The following GPR161 variants were observed in gnomAD, a reference collection of about 807,000 sequenced individuals.
The protein encoded by GPR161 is G-protein coupled receptor RE2.
GPR161 carries 25 observed loss-of-function variants against 39.2 expected under a neutral mutation model. The ratio of observed to expected loss-of-function variants is 0.64; its 90% CI spans 0.47 to 0.89. The LOEUF (loss-of-function observed/expected upper bound fraction) is 0.89, where lower values mean the gene tolerates loss of function less well. GPR161 is among the 40% of genes least tolerant of loss of function. The pLI is 0.00. For synonymous variants in GPR161, 286 were observed against 276.6 expected, an observed-to-expected ratio of 1.03 and a Z score of -0.34; for missense variants, 547 against 677.8, an observed-to-expected ratio of 0.81 and a Z score of 2.14.
rs1184988639 is a variant in GPR161, at chr1:168,082,616, C to G, written c.*2915G>C. 1.3e-5 allele frequency: 2 copies of G among 152,228 alleles called. No individual in the cohort carries two copies. The highest frequency in any genetic ancestry group is 4.8e-5 in the African/African-American group (2 of 41,436). 9.4% of individuals were successfully genotyped at this position (152,228 alleles called of 1,614,324 possible). ...AAGGCGGAAATCTCAATGAAAGAGG[C>G]AGAGGTGGGCAGCAGTCCTAAATGT... is the stretch of plus-strand genomic sequence containing the variant. On this transcript the variant is annotated 3_prime_UTR_variant, in exon 6 of 6. Coordinates refer to ENST00000682931, the MANE Select transcript of GPR161 (RefSeq NM_001375883.1).
intron 3 of GPR161, among the ~76,000 whole-genome samples, chr1:168,092,157 G>A (rs1284363519): frequency 6.6e-6 from 1 of 152,330 alleles, no homozygotes; most frequent in South Asian, 2.1e-4. Flanking sequence ...AGGGAGCTGG[G>A]ACCAGAAAGG....
intron 4 of GPR161, chr1:168,090,349 A>G (rs1694932385): frequency 4.2e-6 from 2 of 481,098 alleles, no homozygotes; most frequent in Non-Finnish European, 7.4e-6. Flanking sequence ...ACAGGAACTG[A>G]CAGCCCCATT....
intron 4 of GPR161, 183 bp from the exon 5 acceptor site, chr1:168,087,887 T>C (rs1224934674): frequency 6.7e-5 from 38 of 568,080 alleles, no homozygotes; most frequent in Non-Finnish European, 6.0e-6. Context: ...TTCAGGGAGT[T>C]TGCAGACAGC....
intron 1 of GPR161, chr1:168,136,307 C>G: frequency 1.3e-6 from 2 of 1,482,148 alleles, no homozygotes; most frequent in Non-Finnish European, 1.8e-6. Context: ...TCCCCACACC[C>G]TTTGCCCTGA....
At chr1:168,137,389 C>T (rs899622468), upstream of GPR161, 7 of 1,536,010 alleles carry the variant, frequency 4.6e-6, no homozygotes, top group African/African-American at 8.2e-5. Context: ...TTGCTGCTCA[C>T]CTTTCATTCA....
At chr1:168,104,446 C>T in intron 2 of GPR161, 31 bp downstream of exon 2, 1 of 1,578,866 alleles carries the variant, frequency 6.3e-7, no homozygotes. Flanking sequence ...GTCAGTAATC[C>T]CTCAATTCTC....
chr1:168,090,462 C>G, intron 4 of GPR161, 102 bp downstream of exon 4: 1 of 616,106 alleles, frequency 1.6e-6, no homozygotes, highest in East Asian at 3.0e-5. Context: ...GGGAAATGCC[C>G]CTCCGCCAGC....
chr1:168,103,774 G>T (rs1204227593), intron 2 of GPR161, among the ~76,000 whole-genome samples: 1 of 152,222 alleles, frequency 6.6e-6, no homozygotes, highest in African/African-American at 2.4e-5. Context: ...GATGAACGCA[G>T]TGGCCATTAG....
intron 1 of GPR161, among the ~76,000 whole-genome samples, chr1:168,111,585 A>T (rs184880118): frequency 6.6e-6 from 1 of 152,248 alleles, no homozygotes; most frequent in Non-Finnish European, 1.5e-5. Context: ...CATGCTGAGC[A>T]TGGCTGAAAA....
chr1:168,130,475 T>G (rs1410185033), intron 1 of GPR161, among the ~76,000 whole-genome samples: 1 of 152,108 alleles, frequency 6.6e-6, no homozygotes, highest in Non-Finnish European at 1.5e-5. Flanking sequence ...AGTGAGAAAA[T>G]GGGTCCTGAT....
At chr1:168,105,078 G>A (rs1471046580) in intron 1 of GPR161, among the ~76,000 whole-genome samples, 184 bp from the exon 2 acceptor site, 1 of 152,136 alleles carries the variant, frequency 6.6e-6, no homozygotes, top group African/African-American at 2.4e-5. Flanking sequence ...ACAACCATGT[G>A]TGAAATTCAT....
intron 1 of GPR161, among the ~76,000 whole-genome samples, chr1:168,111,793 T>G (rs1697193942): frequency 6.6e-6 from 1 of 152,110 alleles, no homozygotes. Context: ...TTTTCTAGGA[T>G]TAAAGAAATA....
intron 1 of GPR161, among the ~76,000 whole-genome samples, chr1:168,116,111 T>C (rs1697612962): frequency 6.6e-6 from 1 of 152,190 alleles, no homozygotes; most frequent in Admixed American, 6.5e-5. Context: ...AAGTCTCTTC[T>C]GATATCCTTA....
chr1:168,127,104 G>C lies in GPR161; in HGVS notation c.-45+9635C>G, dbSNP rs556034181. 5.3e-5 allele frequency among the ~76,000 whole-genome samples: 8 copies of C among 152,294 alleles called. No homozygotes were observed. In the East Asian group the frequency reaches 1.5e-3, roughly 29 times the overall value. On this transcript the variant is annotated intron_variant, in intron 1 of 5. Transcript: ENST00000682931. The stretch of plus-strand genomic sequence containing the variant: ...TGAGGGTAAAAGTACGAGCAAAAAG[G>C]TTGTCAGAAGATAAACTCAAGGAAT...
intron 1 of GPR161, among the ~76,000 whole-genome samples, chr1:168,129,333 G>A (rs1318810615): frequency 6.6e-6 from 1 of 152,180 alleles, no homozygotes; most frequent in Non-Finnish European, 1.5e-5. Context: ...GAGGAGTGAA[G>A]AAGAGAACAG....
chr1:168,112,499 A>G (rs1406382850), intron 1 of GPR161, among the ~76,000 whole-genome samples: 2 of 128,290 alleles, frequency 1.6e-5, no homozygotes, highest in African/African-American at 3.0e-5. Context: ...AAAAAAAAAA[A>G]AAAAAAGGAA....
chr1:168,103,229 G>T (rs895429971), intron 2 of GPR161, among the ~76,000 whole-genome samples: 1 of 152,022 alleles, frequency 6.6e-6, no homozygotes. Context: ...AAGAGAAAAT[G>T]CTCACCATCA....
In GPR161 at chr1:168,087,635, G is replaced by T. The variant is rs371331680; in HGVS notation, c.1274C>A (p.Pro425His). ...DNPPSHCTCP[P>H]KRRSSVTFED... Reference sequence around the variant, plus strand: ...AAATGTCACCGAGCTCCTTCTCTTGGGTGGGCAAGTGCAGTGAGAGGGAGG... The same window carrying T: ...AAATGTCACCGAGCTCCTTCTCTTGTGTGGGCAAGTGCAGTGAGAGGGAGG... The change falls in exon 5 of 6, where the codon CCC (proline) becomes CAC (histidine). Residue 425 changes from proline (P) to histidine (H), a missense_variant. Transcript: ENST00000682931. The T allele has an allele frequency of 6.2e-7, 1 of 1,613,930 alleles. No individual in the cohort carries two copies. The highest frequency in any genetic ancestry group is 1.3e-5 in the African/African-American group (1 of 74,884).
At chr1:168,106,282 T>C (rs1239025138) in intron 1 of GPR161, among the ~76,000 whole-genome samples, 4 of 152,182 alleles carry the variant, frequency 2.6e-5, no homozygotes, top group Non-Finnish European at 4.4e-5. Context: ...TACTATTCAC[T>C]CTAAGAATAC....
Sources: allele counts gnomAD v4.1 joint callset (sites outside exome capture counted in the v4.1 genomes callset), GRCh38; gene constraint gnomAD v4.1.1; transcripts MANE v1.5; gene names NCBI Gene and HGNC (gene_info 2026-07-23, HGNC 2026-07-21).